FAM193A: variants seen among roughly 807,000 people sequenced by gnomAD.
The protein encoded by FAM193A is family with sequence similarity 193 member A, also known as protein FAM193A.
A neutral mutation model predicts 126.5 loss-of-function variants in FAM193A; 22 were observed. That is an observed-to-expected ratio of 0.17 (90% CI 0.12 to 0.25). The LOEUF (loss-of-function observed/expected upper bound fraction) is 0.25. FAM193A is among the 10% of genes least tolerant of loss of function. The pLI is 1.00. For synonymous variants in FAM193A, 761 were observed against 646.8 expected, an observed-to-expected ratio of 1.18 and a Z score of -2.68; for missense variants, 1,675 against 1,672.8, an observed-to-expected ratio of 1.00 and a Z score of -0.02.
chr4:2,671,570 A>G (rs1202588600), intron 12 of FAM193A, among the ~76,000 whole-genome samples: 1 of 152,218 alleles, frequency 6.6e-6, no homozygotes, highest in Non-Finnish European at 1.5e-5. Flanking sequence ...GCTGATTTGC[A>G]TGAATAAATG....
chr4:2,661,594 T>A (rs1300228821), intron 10 of FAM193A, among the ~76,000 whole-genome samples: 1 of 152,226 alleles, frequency 6.6e-6, no homozygotes, highest in Admixed American at 6.5e-5. Flanking sequence ...GTGCTGTTTG[T>A]ACTTACCTCT....
intron 12 of FAM193A, among the ~76,000 whole-genome samples, chr4:2,664,720 C>T (rs1340980435): frequency 5.3e-5 from 8 of 151,858 alleles, no homozygotes; most frequent in African/African-American, 7.3e-5. Flanking sequence ...CACGCCACCA[C>T]GCCCGGCTAA....
At chr4:2,586,578 A>G (rs1740253336) in intron 1 of FAM193A, among the ~76,000 whole-genome samples, 1 of 152,140 alleles carries the variant, frequency 6.6e-6, no homozygotes, top group African/African-American at 2.4e-5. Flanking sequence ...GTGTCCGTGT[A>G]TCATACCTTG....
chr4:2,637,562 C>T (rs1455245363), intron 5 of FAM193A, among the ~76,000 whole-genome samples: 1 of 152,084 alleles, frequency 6.6e-6, no homozygotes, highest in Non-Finnish European at 1.5e-5. Context: ...ACCCCCAAAC[C>T]TTTTTTGTAG....
chr4:2,588,553 C>T (rs1166677417), intron 1 of FAM193A, among the ~76,000 whole-genome samples: 1 of 152,046 alleles, frequency 6.6e-6, no homozygotes, highest in East Asian at 1.9e-4. Context: ...GGGGACCTCC[C>T]CATCAGCAGA....
At position 2,550,013 on chromosome 4, in the gene FAM193A, C is replaced by T. The variant is rs562231429; in HGVS notation, c.255+12843C>T. 2.2e-3 allele frequency among the ~76,000 whole-genome samples: 324 copies of T among 149,334 alleles called. 1 individual carries two copies. The highest frequency in any genetic ancestry group is 4.5e-3 in the Admixed American group (65 of 14,510). Reference sequence around the variant, plus strand: ...AAGTGCGGGGATTACAGGCATGAGCCACCGCACCTGGCTTTTTTTTTTTTT... The same window carrying T: ...AAGTGCGGGGATTACAGGCATGAGCTACCGCACCTGGCTTTTTTTTTTTTT... On this transcript the variant is annotated intron_variant, in intron 1 of 20. Coordinates refer to ENST00000637812, the MANE Select transcript of FAM193A (RefSeq NM_001366318.2).
rs533155334 is a variant in FAM193A, at chr4:2,715,645, A to G, written c.4373-378A>G. On this transcript the variant is annotated intron_variant, in intron 19 of 20. Coordinates refer to ENST00000637812, the MANE Select transcript of FAM193A (RefSeq NM_001366318.2). ...GGCAGCTGTGCTCTGCCTGACTCCA[A>G]CGGAGACTTAGGGCAGTCCCTGGGC... is the stretch of plus-strand genomic sequence containing the variant. 1.8e-4 allele frequency among the ~76,000 whole-genome samples: 28 copies of G among 152,244 alleles called. No individual in the cohort carries two copies. In the East Asian group the frequency reaches 2.7e-3, roughly 15 times the overall value.
chr4:2,553,744 T>G (rs1358721095), intron 1 of FAM193A, among the ~76,000 whole-genome samples: 2 of 152,118 alleles, frequency 1.3e-5, no homozygotes, highest in Non-Finnish European at 2.9e-5. Context: ...GAATTGTGGC[T>G]CCCACAATTC....
intron 1 of FAM193A, among the ~76,000 whole-genome samples, chr4:2,556,205 C>T (rs1038375417): frequency 1.2e-4 from 18 of 147,742 alleles, no homozygotes; most frequent in African/African-American, 4.5e-4. Flanking sequence ...CAGTGAGATA[C>T]TGTCCTTTTT....
At chr4:2,635,825 A>G (rs1249250552) in intron 5 of FAM193A, among the ~76,000 whole-genome samples, 3 of 152,192 alleles carry the variant, frequency 2.0e-5, no homozygotes, top group African/African-American at 7.2e-5. Flanking sequence ...GGCGTGAGCC[A>G]GCGCACCCGG....
At chr4:2,644,646 A>T (rs1203897994) in intron 6 of FAM193A, among the ~76,000 whole-genome samples, 3 of 151,960 alleles carry the variant, frequency 2.0e-5, no homozygotes, top group Non-Finnish European at 4.4e-5. Flanking sequence ...CTGCCCAGTT[A>T]CACCTAACCT....
At chr4:2,702,931 A>G (rs895849970) in intron 19 of FAM193A, among the ~76,000 whole-genome samples, 3 of 151,606 alleles carry the variant, frequency 2.0e-5, no homozygotes, top group Admixed American at 1.3e-4. Flanking sequence ...GCGTTTTTCC[A>G]TTTGTGTTCC....
chr4:2,605,203 T>C (rs1741463111), intron 2 of FAM193A, among the ~76,000 whole-genome samples: 1 of 152,120 alleles, frequency 6.6e-6, no homozygotes, highest in African/African-American at 2.4e-5. Flanking sequence ...AGGTCAAAAA[T>C]CAAGCGTTGC....
At chr4:2,594,804 T>TC (rs1740759831) in intron 1 of FAM193A, among the ~76,000 whole-genome samples, 2 of 148,956 alleles carry the variant, frequency 1.3e-5, no homozygotes, top group Non-Finnish European at 3.0e-5. Context: ...AGTTTCTTTC[T>TC]TTTTCTTTTC....
intron 1 of FAM193A, among the ~76,000 whole-genome samples, chr4:2,544,056 C>T (rs1003732757): frequency 6.6e-6 from 1 of 152,014 alleles, no homozygotes; most frequent in African/African-American, 2.4e-5. Context: ...ATTAGGTTAT[C>T]ATTAACTCTA....
At chr4:2,696,251 A>G (rs1211834084) in intron 17 of FAM193A, 112 bp from the exon 18 acceptor site, 13 of 708,622 alleles carry the variant, frequency 1.8e-5, no homozygotes, top group Non-Finnish European at 4.6e-6. Flanking sequence ...TATTTTTCAC[A>G]ACAAATATAT....
At chr4:2,705,262 G>T (rs1169627933) in intron 19 of FAM193A, among the ~76,000 whole-genome samples, 1 of 152,164 alleles carries the variant, frequency 6.6e-6, no homozygotes, top group Non-Finnish European at 1.5e-5. Context: ...GCAGTATGCT[G>T]CAGACATTCT....
intron 1 of FAM193A, among the ~76,000 whole-genome samples, chr4:2,545,556 A>G (rs1011273898): frequency 1.3e-5 from 2 of 152,174 alleles, no homozygotes; most frequent in African/African-American, 4.8e-5. Flanking sequence ...TCAGTTGGTC[A>G]TATGGCTGGG....
intron 18 of FAM193A, among the ~76,000 whole-genome samples, chr4:2,699,205 G>T (rs1392245880): frequency 5.3e-5 from 8 of 152,094 alleles, no homozygotes; most frequent in Non-Finnish European, 1.0e-4. Flanking sequence ...ATTAGCCTTC[G>T]CCTGGAAAGG....
Sources: gnomAD v4.1 joint callset for allele counts (sites outside exome capture counted in the v4.1 genomes callset) on GRCh38, gnomAD v4.1.1 for gene constraint, MANE v1.5 for transcripts, NCBI Gene and HGNC (gene_info 2026-07-23, HGNC 2026-07-21) for gene names.